The following OSBPL6 variants were observed in gnomAD, a reference collection of about 807,000 sequenced individuals.
The protein encoded by OSBPL6 is oxysterol-binding protein-related protein 6.
A neutral mutation model predicts 125.8 loss-of-function variants in OSBPL6; 49 were observed. That is an observed-to-expected ratio of 0.39 (90% confidence interval 0.31 to 0.49). The LOEUF (loss-of-function observed/expected upper bound fraction) is 0.49, where lower values mean the gene tolerates loss of function less well. OSBPL6 is among the 20% of genes least tolerant of loss of function. The pLI is 0.88. For synonymous variants in OSBPL6, 394 were observed against 391.8 expected, an observed-to-expected ratio of 1.01 and a Z score of -0.07; for missense variants, 986 against 1,135.4, an observed-to-expected ratio of 0.87 and a Z score of 1.89.
chr2:178,394,302 T>C lies in OSBPL6; in HGVS notation c.2574-11T>C. 6.2e-7 allele frequency: 1 copy of C among 1,609,818 alleles called. No individual in the cohort carries two copies. The highest frequency in any genetic ancestry group is 8.5e-7 in the Non-Finnish European group (1 of 1,179,074). On this transcript the variant is annotated splice_polypyrimidine_tract_variant and intron_variant, in intron 23 of 24. Transcript: ENST00000190611. ...GATAATATGTTAAAATATCAACTGC[T>C]TTCTGCTTAGATTTTTGGAAGAAGG...
At chr2:178,354,968 A>G (rs1691633393) in intron 12 of OSBPL6, among the ~76,000 whole-genome samples, 1 of 152,194 alleles carries the variant, frequency 6.6e-6, no homozygotes, top group Non-Finnish European at 1.5e-5. Flanking sequence ...AAACTGAACA[A>G]CCTGCTTCTG....
chr2:178,230,810 T>C (rs2090784485), intron 1 of OSBPL6, among the ~76,000 whole-genome samples: 1 of 152,226 alleles, frequency 6.6e-6, no homozygotes, highest in African/African-American at 2.4e-5. Flanking sequence ...CTATACCTTA[T>C]AGCACAAATA....
intron 13 of OSBPL6, among the ~76,000 whole-genome samples, 154 bp downstream of exon 13, chr2:178,361,969 AT>A (rs1692403215): frequency 6.6e-6 from 1 of 152,198 alleles, no homozygotes; most frequent in Admixed American, 6.5e-5. Flanking sequence ...TCAGTATTAG[AT>A]TTTACTACTT....
intron 1 of OSBPL6, among the ~76,000 whole-genome samples, chr2:178,281,351 A>G (rs1299206019): frequency 2.0e-5 from 3 of 152,006 alleles, no homozygotes; most frequent in African/African-American, 4.8e-5. Flanking sequence ...TGCCTTGCCT[A>G]TGTCCTGAAT....
chr2:178,304,954 T>G (rs188777922), intron 2 of OSBPL6, among the ~76,000 whole-genome samples: 7 of 152,256 alleles, frequency 4.6e-5, no homozygotes. Context: ...TGCCCATATA[T>G]CTCCATCTTT....
chr2:178,200,320 C>T (rs1371548399), intron 1 of OSBPL6, among the ~76,000 whole-genome samples: 3 of 144,118 alleles, frequency 2.1e-5, no homozygotes, highest in Admixed American at 7.2e-5. Context: ...GGTGCAATCT[C>T]GGCTCACTGC....
In OSBPL6 at chr2:178,320,883, G is replaced by C. The variant is rs1416522560; in HGVS notation, c.103-3294G>C. Among the ~76,000 whole-genome samples, 50 of 152,124 alleles carry C rather than the reference G, an allele frequency of 3.3e-4. 1 individual carries two copies. The highest frequency in any genetic ancestry group is 8.8e-5 in the Non-Finnish European group (6 of 68,028). On this transcript the variant is annotated intron_variant, in intron 3 of 24. Coordinates refer to ENST00000190611, the MANE Select transcript of OSBPL6 (RefSeq NM_032523.4). ...ATTTTTATAATTCCAAGATAGGCTG[G>C]GTGCAGTGGCTCACGCCTGTAATCT...
At chr2:178,319,903 ATAGT>A (rs1688087512) in intron 3 of OSBPL6, among the ~76,000 whole-genome samples, 1 of 152,362 alleles carries the variant, frequency 6.6e-6, no homozygotes, top group South Asian at 2.1e-4. Flanking sequence ...CTTAGCTAAG[ATAGT>A]TAGGTGAACA....
chr2:178,224,677 G>A (rs1235790862), intron 1 of OSBPL6, among the ~76,000 whole-genome samples: 1 of 152,200 alleles, frequency 6.6e-6, no homozygotes, highest in Non-Finnish European at 1.5e-5. Context: ...GCTTAACCCT[G>A]TAATCCCAGC....
At chr2:178,201,040 C>T (rs1019888612) in intron 1 of OSBPL6, among the ~76,000 whole-genome samples, 2 of 151,942 alleles carry the variant, frequency 1.3e-5, no homozygotes, top group African/African-American at 4.8e-5. Context: ...GTGATCTGCC[C>T]ACCTCAGCCT....
intron 9 of OSBPL6, among the ~76,000 whole-genome samples, 194 bp downstream of exon 9, chr2:178,336,627 C>T (rs1338088375): frequency 6.6e-6 from 1 of 152,188 alleles, no homozygotes; most frequent in Non-Finnish European, 1.5e-5. Flanking sequence ...AGGCTCCTTA[C>T]CTGCCAGTTC....
intron 1 of OSBPL6, among the ~76,000 whole-genome samples, chr2:178,283,380 A>G (rs1684398909): frequency 6.6e-6 from 1 of 151,784 alleles, no homozygotes; most frequent in Non-Finnish European, 1.5e-5. Context: ...CCCATTCTCA[A>G]TAAGTAAAAA....
chr2:178,247,681 G>A (rs1373644852), intron 1 of OSBPL6, among the ~76,000 whole-genome samples: 1 of 151,956 alleles, frequency 6.6e-6, no homozygotes, highest in African/African-American at 2.4e-5. Flanking sequence ...CTCATCTTTG[G>A]GCCTTTCCCT....
chr2:178,244,755 T>C (rs2091430310), intron 1 of OSBPL6, among the ~76,000 whole-genome samples: 1 of 152,218 alleles, frequency 6.6e-6, no homozygotes, highest in African/African-American at 2.4e-5. Flanking sequence ...AAATCACTAC[T>C]GAGACTTCCT....
intron 12 of OSBPL6, among the ~76,000 whole-genome samples, chr2:178,360,710 A>G (rs1692276557): frequency 6.6e-6 from 1 of 152,192 alleles, no homozygotes; most frequent in South Asian, 2.1e-4. Flanking sequence ...AAATGGATGA[A>G]GAGCTTGCTT....
In OSBPL6 at chr2:178,396,612, G is replaced by A. The variant is rs1695860322; in HGVS notation, c.*1053G>A. 6.6e-6 allele frequency: 1 copy of A among 152,164 alleles called. No homozygotes were observed. Among genetic ancestry groups the A allele is most frequent in the Admixed American group, 6.5e-5 (1 of 15,278 alleles). The allele number at this position is 152,164 out of a possible 1,614,324, so 9.4% of individuals were successfully genotyped here. The stretch of plus-strand genomic sequence containing the variant: ...CATGCCCGCTCCACTGACACTAGTC[G>A]AATTCCACTGAGAACAGAAGCAAGA... On this transcript the variant is annotated 3_prime_UTR_variant, in exon 25 of 25. Coordinates refer to ENST00000190611, the MANE Select transcript of OSBPL6 (RefSeq NM_032523.4).
In OSBPL6 at chr2:178,400,550, G is replaced by T. The variant is rs1696074155; in HGVS notation, c.*4991G>T. 1 of 152,156 alleles carries T rather than the reference G, an allele frequency of 6.6e-6. No homozygotes were observed. Among genetic ancestry groups the T allele is most frequent in the Non-Finnish European group, 1.5e-5 (1 of 68,050 alleles). The allele number at this position is 152,156 out of a possible 1,614,324, so 9.4% of individuals were successfully genotyped here. On this transcript the variant is annotated 3_prime_UTR_variant, in exon 25 of 25. Transcript: ENST00000190611. ...GTTTCACCCGCCTCAGCCCCCCAAAGTGCTGGGATTACAGGTGTGAGCAAC... is the reference window on the plus strand; with the variant it reads ...GTTTCACCCGCCTCAGCCCCCCAAATTGCTGGGATTACAGGTGTGAGCAAC...
intron 16 of OSBPL6, 53 bp downstream of exon 16, chr2:178,382,560 A>G (rs1182519567): frequency 2.0e-5 from 33 of 1,610,574 alleles, no homozygotes; most frequent in Non-Finnish European, 2.8e-5. Context: ...AAATTGCAAC[A>G]CGAAGACTTA....
chr2:178,238,111 A>G (rs1395903304), intron 1 of OSBPL6, among the ~76,000 whole-genome samples: 5 of 152,144 alleles, frequency 3.3e-5, no homozygotes, highest in Non-Finnish European at 7.3e-5. Flanking sequence ...GTCAGCTCCT[A>G]TCTCCCTGAC....
Sources: allele counts gnomAD v4.1 joint callset (sites outside exome capture counted in the v4.1 genomes callset), GRCh38; gene constraint gnomAD v4.1.1; transcripts MANE v1.5; gene names NCBI Gene and HGNC (gene_info 2026-07-23, HGNC 2026-07-21).